Variants in BBS9 observed in about 807,000 individuals in gnomAD.
BBS9 encodes protein PTHB1.
A neutral mutation model predicts 117.7 loss-of-function variants in BBS9; 89 were observed. The ratio of observed to expected loss-of-function variants is 0.76; its 90% CI spans 0.64 to 0.90. The LOEUF (loss-of-function observed/expected upper bound fraction) is 0.90, where lower values mean the gene tolerates loss of function less well. Ranked by LOEUF, BBS9 falls within the 40% of genes least tolerant of loss-of-function variation. The pLI, the probability that BBS9 is intolerant of heterozygous loss-of-function variation, is 0.00. For synonymous variants in BBS9, 379 were observed against 370.9 expected (o/e 1.02, Z -0.25); for missense variants, 982 against 1,042.2 (o/e 0.94, Z 0.80).
intron 18 of BBS9, among the ~76,000 whole-genome samples, chr7:33,384,190 G>A (rs1346380550): frequency 6.6e-6 from 1 of 152,186 alleles, no homozygotes; most frequent in Non-Finnish European, 1.5e-5. Flanking sequence ...CCATAAATGA[G>A]GTGTGATTAT....
At chr7:33,597,284 G>C (rs956872058) in intron 21 of BBS9, among the ~76,000 whole-genome samples, 2 of 151,986 alleles carry the variant, frequency 1.3e-5, no homozygotes, top group Non-Finnish European at 2.9e-5. Flanking sequence ...AGTAAATCTT[G>C]ATCAAAAGAA....
chr7:33,534,678 T>C (rs1851093335), intron 21 of BBS9, among the ~76,000 whole-genome samples: 1 of 152,084 alleles, frequency 6.6e-6, no homozygotes, highest in Non-Finnish European at 1.5e-5. Flanking sequence ...CAGGCACCCA[T>C]GGGCCAGCAA....
chr7:33,596,347 A>G lies in BBS9; in HGVS notation c.2522-8518A>G, dbSNP rs944250739. ...TGATACATATAATTGTAGATATATA[A>G]TTGATATATAATTATCTATCTATCT... On this transcript the variant is annotated intron_variant, in intron 21 of 22. Coordinates refer to ENST00000242067, the MANE Select transcript of BBS9 (RefSeq NM_198428.3). 3.1e-4 allele frequency among the ~76,000 whole-genome samples: 36 copies of G among 114,558 alleles called. 1 individual carries two copies. Among genetic ancestry groups the G allele is most frequent in the Non-Finnish European group, 3.5e-5 (2 of 57,422 alleles). The allele number at this position is 114,558 out of a possible 152,430, so 75.2% of individuals were successfully genotyped here. A position where few individuals can be genotyped will look rare whatever the true frequency, so the allele number is the denominator to read the frequency against.
intron 5 of BBS9, among the ~76,000 whole-genome samples, chr7:33,217,730 T>C (rs1022996277): frequency 2.6e-5 from 4 of 152,326 alleles, no homozygotes; most frequent in Middle Eastern, 3.4e-3. Context: ...AGGCATGGAC[T>C]GGAAACCATG....
intron 5 of BBS9, among the ~76,000 whole-genome samples, chr7:33,242,593 T>G (rs922278520): frequency 1.3e-5 from 2 of 152,172 alleles, no homozygotes; most frequent in Admixed American, 6.5e-5. Flanking sequence ...AACAAACATT[T>G]TATACAGTAA....
intron 21 of BBS9, among the ~76,000 whole-genome samples, chr7:33,562,319 T>C (rs1447091863): frequency 2.6e-5 from 4 of 152,204 alleles, no homozygotes; most frequent in African/African-American, 7.2e-5. Flanking sequence ...GGGGGATTCC[T>C]TAAGGAGATA....
chr7:33,167,496 G>A (rs1270554383), intron 4 of BBS9, among the ~76,000 whole-genome samples: 5 of 150,410 alleles, frequency 3.3e-5, no homozygotes, highest in Non-Finnish European at 5.9e-5. Flanking sequence ...TCTGCCTCCC[G>A]GGTTCAAGCG....
At chr7:33,313,294 C>T (rs1809714093) in intron 9 of BBS9, among the ~76,000 whole-genome samples, 1 of 151,950 alleles carries the variant, frequency 6.6e-6, no homozygotes, top group African/African-American at 2.4e-5. Context: ...TGTAACTTGC[C>T]CATCTTTAGC....
chr7:33,432,899 C>A (rs183804975), intron 19 of BBS9, among the ~76,000 whole-genome samples: 12 of 152,076 alleles, frequency 7.9e-5, no homozygotes, highest in Admixed American at 7.2e-4. Flanking sequence ...CTAGTTTCTT[C>A]TCTCCCTCAT....
intron 21 of BBS9, among the ~76,000 whole-genome samples, chr7:33,597,154 G>A (rs1298290039): frequency 6.6e-6 from 1 of 151,470 alleles, no homozygotes; most frequent in Non-Finnish European, 1.5e-5. Context: ...GAGTCTCTGA[G>A]TCTGAGGGAA....
intron 19 of BBS9, among the ~76,000 whole-genome samples, chr7:33,496,222 T>C (rs2129003038): frequency 6.6e-6 from 1 of 152,304 alleles, no homozygotes; most frequent in South Asian, 2.1e-4. Flanking sequence ...AAATGTATTC[T>C]GGGCCAGGCG....
chr7:33,151,014 G>A (rs539527562), intron 2 of BBS9, among the ~76,000 whole-genome samples: 10 of 152,298 alleles, frequency 6.6e-5, no homozygotes, highest in Non-Finnish European at 1.3e-4. Flanking sequence ...ATACTTTGGA[G>A]GCCAAGGCAG....
chr7:33,600,037 G>T (rs563276863), intron 21 of BBS9, among the ~76,000 whole-genome samples: 9 of 152,248 alleles, frequency 5.9e-5, no homozygotes, highest in African/African-American at 2.2e-4. Flanking sequence ...CAAGGAGTTT[G>T]CTGGTATTTG....
chr7:33,230,575 G>A (rs1562841282), intron 5 of BBS9, among the ~76,000 whole-genome samples: 1 of 152,040 alleles, frequency 6.6e-6, no homozygotes, highest in Non-Finnish European at 1.5e-5. Flanking sequence ...CCTCCCTTCC[G>A]CCCTGCCTGC....
chr7:33,386,925 C>T (rs1826140537), intron 18 of BBS9, among the ~76,000 whole-genome samples: 1 of 152,118 alleles, frequency 6.6e-6, no homozygotes, highest in African/African-American at 2.4e-5. Context: ...GTATATCTTT[C>T]TAGAAATATC....
At chr7:33,611,581 T>C (rs537916105) in intron 21 of BBS9, among the ~76,000 whole-genome samples, 28 of 126,076 alleles carry the variant, frequency 2.2e-4, no homozygotes, top group African/African-American at 9.3e-4. Context: ...ATATAAGGTA[T>C]ATATTATATA....
At chr7:33,446,777 G>A (rs909859698) in intron 19 of BBS9, among the ~76,000 whole-genome samples, 1 of 152,174 alleles carries the variant, frequency 6.6e-6, no homozygotes, top group African/African-American at 2.4e-5. Flanking sequence ...AAGAAATTGG[G>A]TTGTTTGCTT....
At chr7:33,529,145 C>T (rs1183585280) in intron 20 of BBS9, among the ~76,000 whole-genome samples, 4 of 152,214 alleles carry the variant, frequency 2.6e-5, no homozygotes, top group African/African-American at 7.2e-5. Context: ...AGAAAAAGGG[C>T]ACACCAGCAA....
chr7:33,273,735 G>C (rs1584021642), intron 8 of BBS9, 92 bp from the exon 9 acceptor site: 1 of 1,170,820 alleles, frequency 8.5e-7, no homozygotes, highest in East Asian at 2.4e-5. Context: ...CCAGGTGTTA[G>C]AATTAGTTTG....
Sources: gnomAD v4.1 joint callset for allele counts (sites outside exome capture counted in the v4.1 genomes callset) on GRCh38, gnomAD v4.1.1 for gene constraint, MANE v1.5 for transcripts, NCBI Gene and HGNC (gene_info 2026-07-23, HGNC 2026-07-21) for gene names.